ARHGEF10L: variants seen among roughly 807,000 people sequenced by gnomAD.
ARHGEF10L encodes Rho guanine nucleotide exchange factor 10 like.
Under a neutral mutation model 141.2 loss-of-function variants are expected in ARHGEF10L, and 69 were observed. The ratio of observed to expected loss-of-function variants is 0.49; its 90% confidence interval spans 0.40 to 0.60. The LOEUF is 0.60. ARHGEF10L is among the 20% of genes least tolerant of loss of function. The pLI is 0.00. For missense variants in ARHGEF10L, 1,482 were observed against 1,734.3 expected (o/e 0.85, Z 2.58); for synonymous variants, 711 against 718.5 (o/e 0.99, Z 0.17).
intron 1 of ARHGEF10L, among the ~76,000 whole-genome samples, chr1:17,569,081 G>C (rs1024572720): frequency 6.6e-6 from 1 of 152,182 alleles, no homozygotes; most frequent in Non-Finnish European, 1.5e-5. Flanking sequence ...CAGATTCTTG[G>C]CTTTGAACAA....
Position 17,697,091 on chromosome 1 carries a change from C to T in ARHGEF10L, c.3551C>T (p.Pro1184Leu), listed in dbSNP as rs145021905. 42 of 1,607,676 alleles carry T rather than the reference C, an allele frequency of 2.6e-5. 1 individual carries two copies. Among genetic ancestry groups the T allele is most frequent in the African/African-American group, 1.1e-4 (8 of 74,966 alleles). Residue 1184 changes from proline (P) to leucine (L), a missense_variant, in exon 29 of 29, where the codon CCG becomes CTG. Physicochemically the swap from Pro to Leu is moderately conservative, Grantham distance 98 (BLOSUM62 -3). Transcript: ENST00000361221. The surrounding 1 kb of genome is among the most constrained non-coding windows in gnomAD (Gnocchi z 4.8). ...CGCCTGCGCTCCACCGCACACCTCC[C>T]GGGCCCGCTGCTCTCCATGCGGGAG... is the stretch of plus-strand genomic sequence containing the variant. Reference protein sequence around the residue: ...QYRLRSTAHLPGPLLSMREPA... With the variant: ...QYRLRSTAHLLGPLLSMREPA...
chr1:17,651,398 C>A (rs2061926805), intron 22 of ARHGEF10L, among the ~76,000 whole-genome samples: 1 of 152,176 alleles, frequency 6.6e-6, no homozygotes, highest in African/African-American at 2.4e-5. Flanking sequence ...GTATCAGGGC[C>A]CACTGTGCCT....
chr1:17,612,656 A>G (rs2059609312), intron 7 of ARHGEF10L, among the ~76,000 whole-genome samples: 1 of 152,138 alleles, frequency 6.6e-6, no homozygotes, highest in Non-Finnish European at 1.5e-5. Context: ...CTATCTCACA[A>G]ACTTACAGAG....
intron 25 of ARHGEF10L, among the ~76,000 whole-genome samples, chr1:17,661,451 G>A (rs956898721): frequency 2.6e-5 from 4 of 152,086 alleles, no homozygotes; most frequent in African/African-American, 9.7e-5. Flanking sequence ...CCCTGGAGTC[G>A]ACTTCTTAGA....
At chr1:17,568,331 A>T (rs1570517320) in intron 1 of ARHGEF10L, among the ~76,000 whole-genome samples, 1 of 152,280 alleles carries the variant, frequency 6.6e-6, no homozygotes, top group East Asian at 1.9e-4. Flanking sequence ...GTGCATGGTG[A>T]TTCTTATAGT....
chr1:17,669,238 G>T (rs976745199), intron 26 of ARHGEF10L, among the ~76,000 whole-genome samples: 1 of 152,184 alleles, frequency 6.6e-6, no homozygotes. Context: ...TTTGGCTGAG[G>T]TTGTGGCTAG....
At chr1:17,574,368 C>T (rs2078134603) in intron 1 of ARHGEF10L, among the ~76,000 whole-genome samples, 1 of 152,152 alleles carries the variant, frequency 6.6e-6, no homozygotes, top group South Asian at 2.1e-4. Context: ...TGATCTCAGG[C>T]CTGGTGTTCC....
In ARHGEF10L at chr1:17,656,911, A is replaced by G. The variant is rs773842526; in HGVS notation, c.2860+203A>G. Among the ~76,000 whole-genome samples the G allele has an allele frequency of 6.6e-6, 1 of 152,202 alleles. No individual in the cohort carries two copies. The highest frequency in any genetic ancestry group is 2.4e-5 in the African/African-American group (1 of 41,456). On this transcript the variant is annotated intron_variant, in intron 25 of 28. Coordinates refer to ENST00000361221, the MANE Select transcript of ARHGEF10L (RefSeq NM_018125.4). The surrounding 1 kb of genome is among the most constrained non-coding windows in gnomAD (Gnocchi z 4.9). ...GAATACCTGCTGGAATAGGGTGCTC[A>G]CTACCATGTGGGCAGTGGAACCTGT...
intron 4 of ARHGEF10L, among the ~76,000 whole-genome samples, chr1:17,590,579 A>G (rs1222783360): frequency 6.6e-6 from 1 of 152,152 alleles, no homozygotes; most frequent in Non-Finnish European, 1.5e-5. Flanking sequence ...TTTGCTGCCA[A>G]ACCTCATGGC....
chr1:17,581,521 G>T (rs1463705178), intron 2 of ARHGEF10L, among the ~76,000 whole-genome samples: 1 of 152,118 alleles, frequency 6.6e-6, no homozygotes, highest in Non-Finnish European at 1.5e-5. Context: ...GCAGCTTCCT[G>T]TCCTCTTGTA....
rs74537689 is a variant in ARHGEF10L, at chr1:17,559,188, G to C, written c.-44+19238G>C. 3.8e-3 allele frequency among the ~76,000 whole-genome samples: 586 copies of C among 152,300 alleles called. 4 individuals carry two copies. The highest frequency in any genetic ancestry group is 0.012 in the African/African-American group (504 of 41,566). ...GTCTCAACCTTTCTGTTTCAGTTCA[G>C]TTATTCAGTTGGGGATAATATCAGT... On this transcript the variant is annotated intron_variant, in intron 1 of 28. Coordinates refer to ENST00000361221, the MANE Select transcript of ARHGEF10L (RefSeq NM_018125.4).
At chr1:17,622,057 AG>A (rs2101475578) in intron 11 of ARHGEF10L, 116 bp downstream of exon 11, 1 of 994,336 alleles carries the variant, frequency 1.0e-6, no homozygotes, top group South Asian at 1.4e-5. Context: ...CAGGACCATA[AG>A]CCAGCACTGC....
chr1:17,606,972 G>T (rs2081235877), intron 6 of ARHGEF10L, among the ~76,000 whole-genome samples: 1 of 152,190 alleles, frequency 6.6e-6, no homozygotes, highest in South Asian at 2.1e-4. Context: ...TCAGTCCAAG[G>T]CATTTCCCGC....
chr1:17,682,069 C>T lies in ARHGEF10L; in HGVS notation c.3010-5504C>T, dbSNP rs1258415736. Among the ~76,000 whole-genome samples the T allele has an allele frequency of 8.5e-5, 13 of 152,178 alleles. No individual in the cohort carries two copies. In the East Asian group the frequency reaches 1.5e-3, roughly 18 times the overall value. On this transcript the variant is annotated intron_variant, in intron 26 of 28. Coordinates refer to ENST00000361221, the MANE Select transcript of ARHGEF10L (RefSeq NM_018125.4). ...TTCACATTGTCTTGAATTTGGCCAG[C>T]GGGGACCCCTTCGTGTTGGCTCCTG...
At chr1:17,554,764 A>G (rs2077244998) in intron 1 of ARHGEF10L, among the ~76,000 whole-genome samples, 1 of 151,458 alleles carries the variant, frequency 6.6e-6, no homozygotes, top group African/African-American at 2.4e-5. Context: ...TAGTTTTTGC[A>G]TTTTTTTGTA....
chr1:17,613,274 A>G, intron 8 of ARHGEF10L, 100 bp downstream of exon 8: 1 of 980,086 alleles, frequency 1.0e-6, no homozygotes, highest in Non-Finnish European at 1.6e-6. Flanking sequence ...GAAGCCTACC[A>G]GGCCCACCCT....
At chr1:17,686,564 G>A (rs1375658543) in intron 26 of ARHGEF10L, among the ~76,000 whole-genome samples, 5 of 152,178 alleles carry the variant, frequency 3.3e-5, no homozygotes, top group Admixed American at 3.3e-4. Flanking sequence ...ACTCTGAAGT[G>A]GAGTCTTCAG....
the ARHGEF10L span, among the ~76,000 whole-genome samples, chr1:17,532,830 G>C: frequency 6.6e-6 from 1 of 151,986 alleles, no homozygotes; most frequent in African/African-American, 2.4e-5. Context: ...CCTGACCTCA[G>C]GTGATCTGCC....
chr1:17,603,922 A>G lies in ARHGEF10L; in HGVS notation c.433+331A>G, dbSNP rs1389355976. Among the ~76,000 whole-genome samples the G allele has an allele frequency of 6.6e-6, 1 of 152,166 alleles. No homozygotes were observed. The highest frequency in any genetic ancestry group is 1.5e-5 in the Non-Finnish European group (1 of 68,034). On this transcript the variant is annotated intron_variant, in intron 6 of 28. Coordinates refer to ENST00000361221, the MANE Select transcript of ARHGEF10L (RefSeq NM_018125.4). This position sits in a 1 kb window ranked among gnomAD's most constrained non-coding sequence, Gnocchi z 4.8. ...CTGGGGCTGTTGGGGAAGACGACAG[A>G]CTGTTACACTCAAAGGGTGAAGCAG...
Sources: allele counts gnomAD v4.1 joint callset (sites outside exome capture counted in the v4.1 genomes callset), GRCh38; gene constraint gnomAD v4.1.1; non-coding constraint Gnocchi (gnomAD v3.1); transcripts MANE v1.5; gene names NCBI Gene and HGNC (gene_info 2026-07-23, HGNC 2026-07-21).